SCN10A: variants seen among roughly 807,000 people sequenced by gnomAD.
SCN10A encodes the protein sodium channel protein type 10 subunit alpha.
In SCN10A, 162 loss-of-function variants were observed where a neutral mutation model predicts 170.7. The observed-to-expected ratio is 0.95, with a 90% confidence interval of 0.84 to 1.08. The LOEUF is 1.08. Among genes scored for constraint, SCN10A ranks in the 50% least tolerant of loss-of-function variants. The pLI, the probability that SCN10A is intolerant of heterozygous loss-of-function variation, is 0.00. For missense variants in SCN10A, 2,527 were observed against 2,436.9 expected (o/e 1.04, Z -0.78); for synonymous variants, 985 against 904.6 (o/e 1.09, Z -1.59).
At chr3:38,720,488 AT>A (rs1272039985) in intron 20 of SCN10A, among the ~76,000 whole-genome samples, 6 of 152,276 alleles carry the variant, frequency 3.9e-5, no homozygotes, top group Admixed American at 3.3e-4. Context: ...TTTTTCTATA[AT>A]TTCCAAGTAT....
chr3:38,716,295 T>A (rs2063333041), intron 21 of SCN10A, among the ~76,000 whole-genome samples: 1 of 152,090 alleles, frequency 6.6e-6, no homozygotes, highest in Non-Finnish European at 1.5e-5. Context: ...TGAATTCCCA[T>A]GTGTTGTGGG....
Position 38,718,748 on chromosome 3 carries a change from T to C in SCN10A, c.3586A>G (p.Ile1196Val). 4 of 1,614,172 alleles carry C rather than the reference T, an allele frequency of 2.5e-6. No individual in the cohort carries two copies. The highest frequency in any genetic ancestry group is 3.4e-6 in the Non-Finnish European group (4 of 1,180,032). Residue 1196 changes from isoleucine (I) to valine (V), a missense_variant, in exon 21 of 28, where the codon ATC becomes GTC. By Grantham distance (29) the Ile-to-Val change is conservative. Transcript: ENST00000449082. The part of the protein sequence containing the change: ...LEYTDRVFTF[I>V]FVFEMLLKWV... ...TTAAGCAGCATCTCGAACACAAAGA[T>C]AAAGGTGAAGACCCTGTCAGTGTAC...
chr3:38,713,922 C>T (rs745993374), intron 22 of SCN10A, 36 bp downstream of exon 22: 3 of 1,610,652 alleles, frequency 1.9e-6, no homozygotes, highest in Non-Finnish European at 2.5e-6. Context: ...ACCACCGTGC[C>T]TGGCCAGATG....
intron 10 of SCN10A, 89 bp from the exon 11 acceptor site, chr3:38,756,047 G>C: frequency 2.1e-6 from 3 of 1,424,388 alleles, no homozygotes; most frequent in Non-Finnish European, 2.9e-6. Context: ...CCAGGGGTGA[G>C]AGATCTGAAA....
intron 4 of SCN10A, among the ~76,000 whole-genome samples, chr3:38,786,829 C>T (rs367943464): frequency 6.6e-6 from 1 of 152,104 alleles, no homozygotes; most frequent in African/African-American, 2.4e-5. Flanking sequence ...TAGATGTTTA[C>T]ATATGTGTTG....
intron 6 of SCN10A, 44 bp from the exon 7 acceptor site, chr3:38,761,427 A>G: frequency 6.5e-7 from 1 of 1,535,716 alleles, no homozygotes; most frequent in South Asian, 1.2e-5. Flanking sequence ...ATGAGGTAGC[A>G]CACACGGAGC....
intron 15 of SCN10A, among the ~76,000 whole-genome samples, chr3:38,735,169 C>CAAAAAAA (rs543574832): frequency 2.6e-5 from 2 of 76,160 alleles, no homozygotes; most frequent in Non-Finnish European, 5.2e-5. Context: ...GACTCTGTCT[C>CAAAAAAA]AAAAAAAAAA....
At chr3:38,746,959 C>G (rs933482428) in intron 13 of SCN10A, among the ~76,000 whole-genome samples, 12 of 152,280 alleles carry the variant, frequency 7.9e-5, no homozygotes, top group African/African-American at 2.9e-4. Context: ...GCCAAACTTT[C>G]TTAAGCATAA....
chr3:38,776,653 C>G (rs1245294114), intron 4 of SCN10A, among the ~76,000 whole-genome samples: 1 of 151,860 alleles, frequency 6.6e-6, no homozygotes, highest in Admixed American at 6.6e-5. Flanking sequence ...CATAGAGATC[C>G]TTAGATCACT....
At chr3:38,808,496 A>G (rs2064420074) in intron 1 of SCN10A, among the ~76,000 whole-genome samples, 1 of 152,214 alleles carries the variant, frequency 6.6e-6, no homozygotes, top group Non-Finnish European at 1.5e-5. Context: ...CCATGTTCAT[A>G]TCTTCCTCTG....
At position 38,727,068 on chromosome 3, in the gene SCN10A, G is replaced by A; in HGVS notation, c.2641-16C>T. ...GGTTAAGCACCTGAAGAGAAGGAAT[G>A]GAAGGGAAGATTGATCAATCTCTAA... On this transcript the variant is annotated splice_polypyrimidine_tract_variant and intron_variant, in intron 16 of 27. Transcript: ENST00000449082. 1 of 1,592,396 alleles carries A rather than the reference G, an allele frequency of 6.3e-7. No homozygotes were observed.
At chr3:38,723,717 C>A (rs750002879) in intron 18 of SCN10A, among the ~76,000 whole-genome samples, 164 bp from the exon 19 acceptor site, 2 of 152,230 alleles carry the variant, frequency 1.3e-5, no homozygotes, top group African/African-American at 4.8e-5. Context: ...CTGTGTGAGA[C>A]TGTAAACCTT....
At chr3:38,723,962 G>T (rs115823268) in intron 18 of SCN10A, among the ~76,000 whole-genome samples, 1,905 of 152,280 alleles carry the variant, frequency 0.013, 39 homozygotes, top group African/African-American at 0.043. Flanking sequence ...GGTGGGGCGG[G>T]TCCCCATTTG....
intron 13 of SCN10A, among the ~76,000 whole-genome samples, chr3:38,744,179 T>C (rs902612821): frequency 4.6e-5 from 7 of 152,218 alleles, no homozygotes; most frequent in African/African-American, 1.4e-4. Flanking sequence ...CATGTGCTTA[T>C]ATATGCATAG....
chr3:38,796,385 C>G (rs952483916), intron 1 of SCN10A, among the ~76,000 whole-genome samples: 11 of 152,300 alleles, frequency 7.2e-5, no homozygotes, highest in South Asian at 6.2e-4. Context: ...TGTCATCTCA[C>G]TGGCCTCGTA....
chr3:38,723,296 C>T, intron 19 of SCN10A, 134 bp downstream of exon 19: 1 of 1,078,386 alleles, frequency 9.3e-7, no homozygotes, highest in South Asian at 1.4e-5. Context: ...GATGCGGGCG[C>T]CCTCAAGCCT....
chr3:38,736,559 C>T (rs527896905), intron 15 of SCN10A, among the ~76,000 whole-genome samples: 3 of 152,192 alleles, frequency 2.0e-5, no homozygotes, highest in African/African-American at 4.8e-5. Context: ...AGCTCAGGTG[C>T]AGACAAGGTG....
At chr3:38,798,706 T>G (rs1348269240) in intron 1 of SCN10A, among the ~76,000 whole-genome samples, 2 of 151,932 alleles carry the variant, frequency 1.3e-5, no homozygotes, top group African/African-American at 2.4e-5. Flanking sequence ...TAGCTGTTCC[T>G]GCTAAGCAAG....
Position 38,726,970 on chromosome 3 carries a change from T to C in SCN10A, c.2723A>G (p.Asn908Ser). 1 of 1,614,216 alleles carries C rather than the reference T, an allele frequency of 6.2e-7. No homozygotes were observed. The highest frequency in any genetic ancestry group is 8.5e-7 in the Non-Finnish European group (1 of 1,180,024). The change falls in exon 17 of 28, where the codon AAC becomes AGC. Residue 908 changes from asparagine to serine, a missense_variant. Coordinates refer to ENST00000449082, the MANE Select transcript of SCN10A (RefSeq NM_006514.4). Reference protein sequence around the residue: ...LTAPEDDGEVNNLQVALARIQ... With the variant: ...LTAPEDDGEVSNLQVALARIQ... ...CCGTGCCAGGGCCACCTGCAGGTTG[T>C]TCACCTCCCCATCGTCCTCCGGGGC...
Sources: allele counts gnomAD v4.1 joint callset (sites outside exome capture counted in the v4.1 genomes callset), GRCh38; gene constraint gnomAD v4.1.1; transcripts MANE v1.5; gene names NCBI Gene and HGNC (gene_info 2026-07-23, HGNC 2026-07-21).